Variants in ADGRF3 observed in about 807,000 individuals in gnomAD.
ADGRF3 encodes the protein G protein-coupled receptor 113.
ADGRF3 carries 85 observed loss-of-function variants against 93.2 expected under a neutral mutation model. The ratio of observed to expected loss-of-function variants is 0.91; its 90% CI spans 0.77 to 1.09. The LOEUF (loss-of-function observed/expected upper bound fraction) is 1.09, where lower values mean the gene tolerates loss of function less well. Ranked by LOEUF, ADGRF3 falls within the 50% of genes least tolerant of loss-of-function variation. The pLI is 0.00. For missense variants in ADGRF3, 1,125 were observed against 1,246.2 expected, an observed-to-expected ratio of 0.90 and a Z score of 1.46; for synonymous variants, 534 against 532.5, an observed-to-expected ratio of 1.00 and a Z score of -0.04.
At chr2:26,323,843 G>T (rs1675292522) in intron 1 of ADGRF3, among the ~76,000 whole-genome samples, 1 of 151,992 alleles carries the variant, frequency 6.6e-6, no homozygotes, top group South Asian at 2.1e-4. Context: ...TGGCCAGGCA[G>T]GTCTCAAACT....
chr2:26,319,077 C>G, intron 1 of ADGRF3: 1 of 1,533,564 alleles, frequency 6.5e-7, no homozygotes, highest in Non-Finnish European at 8.8e-7. Context: ...CCTACAAGCC[C>G]ACGATGCAAA....
At chr2:26,312,879 A>G (rs1674307228) in intron 9 of ADGRF3, 64 bp downstream of exon 9, 1 of 1,459,658 alleles carries the variant, frequency 6.9e-7, no homozygotes, top group Non-Finnish European at 9.3e-7. Context: ...AGAAATGCCC[A>G]CAGGTGGGGA....
rs1195677649 is a variant in ADGRF3 at position 26,316,397 on chromosome 2, T to C, written c.377A>G (p.Tyr126Cys). The change falls in exon 4 of 14, where the codon TAC becomes TGC. Residue 126 changes from tyrosine (Y) to cysteine (C), a missense_variant. Physicochemically the swap from Tyr to Cys is radical, Grantham distance 194. Transcript: ENST00000651242. ...GAGGCAGATGCTGGTGTTCCACTGG[T>C]AGCCAGAGAGGCAAGCACAATAGAA... The part of the protein sequence containing the change: ...GNFYCACLSG[Y>C]QWNTSICLHY... 7 of 1,551,754 alleles carry C rather than the reference T, an allele frequency of 4.5e-6. No individual in the cohort carries two copies. The South Asian group carries it at 8.3e-5, about 18-fold the overall frequency.
chr2:26,331,008 T>C (rs534049465), intron 1 of ADGRF3, among the ~76,000 whole-genome samples: 2 of 152,348 alleles, frequency 1.3e-5, no homozygotes, highest in East Asian at 1.9e-4. Context: ...AATTTTGATA[T>C]GTATTTTTAT....
chr2:26,308,897 G>C lies in ADGRF3; in HGVS notation c.*189C>G. 1.5e-6 allele frequency: 1 copy of C among 674,292 alleles called. No homozygotes were observed. The highest frequency in any genetic ancestry group is 2.4e-6 in the Non-Finnish European group (1 of 408,998). 41.8% of individuals were successfully genotyped at this position (674,292 alleles called of 1,614,324 possible). A position where few individuals can be genotyped will look rare whatever the true frequency, so the allele number is the denominator to read the frequency against. On this transcript the variant is annotated 3_prime_UTR_variant, in exon 14 of 14. Transcript: ENST00000651242. The stretch of plus-strand genomic sequence containing the variant: ...CTAATTTTTCCTGCTATTCTTGCTG[G>C]ATACTTTAGAAATGAGAAGGGGTGA...
intron 1 of ADGRF3, among the ~76,000 whole-genome samples, chr2:26,317,783 G>T (rs1001117006): frequency 6.6e-6 from 1 of 152,222 alleles, no homozygotes; most frequent in East Asian, 1.9e-4. Context: ...AACCAGGCAC[G>T]CCCTGGGAAG....
chr2:26,317,855 A>G (rs1445267435), intron 1 of ADGRF3, among the ~76,000 whole-genome samples: 4 of 152,234 alleles, frequency 2.6e-5, no homozygotes, highest in Non-Finnish European at 1.5e-5. Flanking sequence ...AGGCTAATTG[A>G]AATGGCTTGG....
At chr2:26,310,155 C>T (rs3851967) in intron 11 of ADGRF3, 41 bp downstream of exon 11, 1,111,615 of 1,613,692 alleles carry the variant, frequency 0.69, 385,379 homozygotes, top group East Asian at 0.77. Context: ...CCCCGGCCTG[C>T]GGGCTGCAAG....
intron 1 of ADGRF3, among the ~76,000 whole-genome samples, chr2:26,336,333 T>TGTGTGTGTGTGTGTGTGTGA (rs1385222420): frequency 2.6e-5 from 4 of 151,556 alleles, no homozygotes; most frequent in African/African-American, 9.7e-5. Context: ...TGTGTGTGTG[T>TGTGTGTGTGTGTGTGTGTGA]GTGAGTGTGT....
At chr2:26,321,755 T>C (rs1675161959) in intron 1 of ADGRF3, among the ~76,000 whole-genome samples, 1 of 151,964 alleles carries the variant, frequency 6.6e-6, no homozygotes, top group Middle Eastern at 3.4e-3. Flanking sequence ...GCTGATCTCC[T>C]GAGGTCAGGA....
intron 1 of ADGRF3, among the ~76,000 whole-genome samples, chr2:26,341,829 T>C (rs939634537): frequency 1.3e-5 from 2 of 152,068 alleles, no homozygotes; most frequent in Non-Finnish European, 2.9e-5. Context: ...ATCCCAGCGC[T>C]TTGGGAGGCT....
rs1244097446 is a variant in ADGRF3, at chr2:26,311,499, G to A, written c.2025C>T (p.Pro675=). The A allele has an allele frequency of 6.2e-7, 1 of 1,614,026 alleles. No individual in the cohort carries two copies. The highest frequency in any genetic ancestry group is 1.6e-4 in the Middle Eastern group (1 of 6,062). Residue 675 remains proline (P), a synonymous_variant, in exon 10 of 14, where the codon CCC becomes CCT. Coordinates refer to ENST00000651242, the MANE Select transcript of ADGRF3 (RefSeq NM_001321971.2). ...GGTGCTGGCAGAGGCACTGAGCAGTGGGGCTGGCACTGGCCACCTGTGCCT... is the reference window on the plus strand; with the variant it reads ...GGTGCTGGCAGAGGCACTGAGCAGTAGGGCTGGCACTGGCCACCTGTGCCT... The part of the protein sequence containing the change: ...GCQAQVASAS[P]TAQCLCQHLT...
At chr2:26,336,315 AGTGTGT>A (rs71399385) in intron 1 of ADGRF3, among the ~76,000 whole-genome samples, 2 of 148,676 alleles carry the variant, frequency 1.3e-5, no homozygotes, top group African/African-American at 5.0e-5. Context: ...GGAGATCAAG[AGTGTGT>A]GTGTGTGTGT....
chr2:26,323,693 G>A (rs912916635), intron 1 of ADGRF3, among the ~76,000 whole-genome samples: 9 of 150,644 alleles, frequency 6.0e-5, no homozygotes, highest in Non-Finnish European at 8.9e-5. Context: ...ACAATGGTGC[G>A]ATCTTGGCTC....
At chr2:26,321,679 A>G (rs898154152) in intron 1 of ADGRF3, among the ~76,000 whole-genome samples, 2 of 152,068 alleles carry the variant, frequency 1.3e-5, no homozygotes, top group Admixed American at 1.3e-4. Flanking sequence ...GGACATTAGA[A>G]AGCTAATAGA....
At chr2:26,328,253 AT>A (rs35939910) in intron 1 of ADGRF3, among the ~76,000 whole-genome samples, 47,414 of 151,768 alleles carry the variant, frequency 0.31, 7,853 homozygotes, top group Middle Eastern at 0.41. Flanking sequence ...TGCTTTCAAG[AT>A]TTTTTCTTTG....
Position 26,346,243 on chromosome 2 carries a change from A to G in ADGRF3, c.-9T>C. 1.2e-6 allele frequency: 2 copies of G among 1,613,618 alleles called. No individual in the cohort carries two copies. The highest frequency in any genetic ancestry group is 1.7e-6 in the Non-Finnish European group (2 of 1,179,624). On this transcript the variant is annotated 5_prime_UTR_variant, in exon 1 of 14. The change abolishes the stop of an existing upstream ORF in the 5' untranslated region. Transcript: ENST00000651242. The stretch of plus-strand genomic sequence containing the variant: ...AGTTTTCGGGTCGTCATGGCTGGCT[A>G]CGAATACGTGAGCCCGGAGCAGCTG...
chr2:26,315,562 C>T lies in ADGRF3; in HGVS notation c.678G>A (p.Gln226=). Residue 226 remains glutamine (Q), a synonymous_variant, in exon 5 of 14, where the codon CAG becomes CAA. Transcript: ENST00000651242. ...ACATGTTGGAGACGCTGAGGGCAGC[C>T]TGGCCGTGGCTGGAAGTCACAGACA... ...TQVSVTSSHG[Q]AALSVSNMSH... 3.2e-6 allele frequency: 5 copies of T among 1,551,534 alleles called. No individual in the cohort carries two copies. The highest frequency in any genetic ancestry group is 1.4e-5 in the African/African-American group (1 of 73,152).
intron 1 of ADGRF3, among the ~76,000 whole-genome samples, chr2:26,337,210 A>C (rs1676105662): frequency 6.6e-6 from 1 of 152,192 alleles, no homozygotes; most frequent in African/African-American, 2.4e-5. Flanking sequence ...AAGTAGTGGA[A>C]TCTATTTCTC....
Sources: allele counts gnomAD v4.1 joint callset (sites outside exome capture counted in the v4.1 genomes callset), GRCh38; gene constraint gnomAD v4.1.1; transcripts MANE v1.5; gene names NCBI Gene and HGNC (gene_info 2026-07-23, HGNC 2026-07-21).